PRKD1: variants seen among roughly 807,000 people sequenced by gnomAD.
PRKD1 encodes the protein serine/threonine-protein kinase D1.
In PRKD1, 63 loss-of-function variants were observed where a neutral mutation model predicts 95.9. The observed-to-expected ratio is 0.66, with a 90% CI of 0.54 to 0.81. PRKD1 has a LOEUF of 0.81. Among genes scored for constraint, PRKD1 ranks in the 30% least tolerant of loss-of-function variants. The pLI is 0.00. For missense variants in PRKD1, 1,048 were observed against 1,165.3 expected (o/e 0.90, Z 1.47); for synonymous variants, 425 against 423.1 (o/e 1.00, Z -0.05).
intron 16 of PRKD1, among the ~76,000 whole-genome samples, chr14:29,583,974 G>A (rs1892832016): frequency 6.6e-6 from 1 of 152,118 alleles, no homozygotes; most frequent in African/African-American, 2.4e-5. Context: ...AAAGCAAAGA[G>A]AAAATTTTAT....
chr14:29,761,922 T>C lies in PRKD1; in HGVS notation c.265-36248A>G, dbSNP rs377169327. On this transcript the variant is annotated intron_variant, in intron 1 of 17. Transcript: ENST00000331968. The stretch of plus-strand genomic sequence containing the variant: ...CTCAGCTCCCAAGTAGCTGGTATTA[T>C]GCCACCAAGACTGGCTATTCTTTAT... Among the ~76,000 whole-genome samples the C allele has an allele frequency of 2.0e-4, 30 of 152,002 alleles. 2 individuals are homozygous for C. The East Asian group carries it at 4.9e-3, about 25-fold the overall frequency.
At chr14:29,815,322 C>T (rs28670837) in intron 1 of PRKD1, among the ~76,000 whole-genome samples, 32,905 of 152,112 alleles carry the variant, frequency 0.22, 3,875 homozygotes, top group African/African-American at 0.29. Context: ...ATGAATACTG[C>T]AGAGTCTCAT....
At position 29,770,697 on chromosome 14, in the gene PRKD1, T is replaced by A. The variant is rs147525928; in HGVS notation, c.265-45023A>T. Among the ~76,000 whole-genome samples the A allele has an allele frequency of 2.0e-5, 3 of 152,266 alleles. No homozygotes were observed. The East Asian group carries it at 5.8e-4, about 29-fold the overall frequency. On this transcript the variant is annotated intron_variant, in intron 1 of 17. Transcript: ENST00000331968. ...AGATATCTAAGGAGGTCAGGCATTG[T>A]GACTCACACCTGTAATCCCAGCACT...
intron 2 of PRKD1, 105 bp downstream of exon 2, chr14:29,725,431 G>C: frequency 7.4e-7 from 1 of 1,353,138 alleles, no homozygotes; most frequent in Non-Finnish European, 1.0e-6. Flanking sequence ...TCTTGGAGCT[G>C]AGTTTGAGAT....
intron 1 of PRKD1, among the ~76,000 whole-genome samples, chr14:29,876,088 G>A (rs1893277405): frequency 1.3e-5 from 2 of 152,136 alleles, no homozygotes; most frequent in Admixed American, 1.3e-4. Flanking sequence ...CTTTTATAAT[G>A]GGCAGTGAGT....
chr14:29,682,808 G>C (rs931082615), intron 2 of PRKD1, among the ~76,000 whole-genome samples: 3 of 152,198 alleles, frequency 2.0e-5, no homozygotes, highest in Non-Finnish European at 2.9e-5. Context: ...TAAATGTGGT[G>C]CTTAAAATGC....
chr14:29,840,096 T>C (rs1176005854), intron 1 of PRKD1, among the ~76,000 whole-genome samples: 1 of 152,160 alleles, frequency 6.6e-6, no homozygotes, highest in Non-Finnish European at 1.5e-5. Context: ...TATCACATTG[T>C]CAGGCGGCAA....
rs1893346356 is a variant in PRKD1 at position 29,597,396 on chromosome 14, G to T, written c.2434+95C>A. 3 of 1,260,738 alleles carry T rather than the reference G, an allele frequency of 2.4e-6. No homozygotes were observed. In the Admixed American group the frequency reaches 8.7e-5, roughly 36 times the overall value. The allele number at this position is 1,260,738 out of a possible 1,614,324, so 78.1% of individuals were successfully genotyped here. On this transcript the variant is annotated intron_variant, in intron 16 of 17. Coordinates refer to ENST00000331968, the MANE Select transcript of PRKD1 (RefSeq NM_002742.3). ...CTGGTGGGCACTTTACAATGAGCAT[G>T]TATTAAGTTAATAATTTACAATTAA... is the stretch of plus-strand genomic sequence containing the variant.
Position 29,589,716 on chromosome 14 carries a change from TTATC to T in PRKD1, c.2434+7771_2434+7774del, listed in dbSNP as rs1356226053. 6.6e-5 allele frequency among the ~76,000 whole-genome samples: 10 copies of T among 152,246 alleles called. No homozygotes were observed. The East Asian group carries it at 1.9e-3, about 29-fold the overall frequency. ...AAAGGTTGTACTCTATTTACTCCATTTATCTTTCATGCCATGCCCTTTTATTTTT... is the reference window on the plus strand; with the variant it reads ...AAAGGTTGTACTCTATTTACTCCATTTTTCATGCCATGCCCTTTTATTTTT... On this transcript the variant is annotated intron_variant, in intron 16 of 17. Transcript: ENST00000331968.
intron 1 of PRKD1, among the ~76,000 whole-genome samples, chr14:29,754,308 G>T (rs1887604621): frequency 1.3e-5 from 2 of 152,118 alleles, no homozygotes; most frequent in South Asian, 4.1e-4. Flanking sequence ...TGTCCACGCT[G>T]TCCTTTGATG....
intron 1 of PRKD1, among the ~76,000 whole-genome samples, chr14:29,912,082 C>G (rs182408541): frequency 6.6e-6 from 1 of 152,308 alleles, no homozygotes; most frequent in Admixed American, 6.5e-5. Context: ...TTCATATTCA[C>G]CTGTCTGACC....
chr14:29,740,561 A>T (rs968043516), intron 1 of PRKD1, among the ~76,000 whole-genome samples: 1 of 152,200 alleles, frequency 6.6e-6, no homozygotes, highest in Admixed American at 6.5e-5. Flanking sequence ...GAAAGACAGA[A>T]AGAATGGCCA....
At chr14:29,881,138 T>A (rs1018520534) in intron 1 of PRKD1, among the ~76,000 whole-genome samples, 1 of 152,182 alleles carries the variant, frequency 6.6e-6, no homozygotes, top group Non-Finnish European at 1.5e-5. Flanking sequence ...ATGATTTGGC[T>A]GTTTCCCCAC....
Position 29,927,646 on chromosome 14 carries a change from G to T in PRKD1, c.-134C>A. ...CGGAAAATAAAAACTTTCCGGAAAA[G>T]TCCCTGGGCTGGGGGAGGGCAAGGG... On this transcript the variant is annotated 5_prime_UTR_variant, in exon 1 of 18. Coordinates refer to ENST00000331968, the MANE Select transcript of PRKD1 (RefSeq NM_002742.3). The T allele has an allele frequency of 1.5e-6, 1 of 659,450 alleles. No individual in the cohort carries two copies. Among genetic ancestry groups the T allele is most frequent in the Non-Finnish European group, 1.9e-6 (1 of 516,180 alleles). 40.8% of individuals were successfully genotyped at this position (659,450 alleles called of 1,614,324 possible).
intron 1 of PRKD1, among the ~76,000 whole-genome samples, chr14:29,806,089 A>G (rs556298657): frequency 6.6e-6 from 1 of 152,328 alleles, no homozygotes; most frequent in Non-Finnish European, 1.5e-5. Context: ...AGGAGAGGAA[A>G]GCAAGGCAAG....
At chr14:29,914,705 G>A (rs1594624273) in intron 1 of PRKD1, among the ~76,000 whole-genome samples, 1 of 152,130 alleles carries the variant, frequency 6.6e-6, no homozygotes, top group Admixed American at 6.5e-5. Context: ...ACTCCAGTCT[G>A]GGGGACAGAG....
chr14:29,768,922 T>G (rs1007453521), intron 1 of PRKD1, among the ~76,000 whole-genome samples: 3 of 152,170 alleles, frequency 2.0e-5, no homozygotes, highest in Non-Finnish European at 2.9e-5. Context: ...TGATGTGCGT[T>G]ATCCAGCATC....
At chr14:29,693,652 A>AAC (rs200549222) in intron 2 of PRKD1, among the ~76,000 whole-genome samples, 249 of 49,258 alleles carry the variant, frequency 5.1e-3, no homozygotes, top group African/African-American at 0.025. Context: ...CAACAACAAC[A>AAC]AAAAAAAAAA....
chr14:29,628,653 C>G (rs1879784967), intron 11 of PRKD1, among the ~76,000 whole-genome samples: 1 of 152,062 alleles, frequency 6.6e-6, no homozygotes, highest in Non-Finnish European at 1.5e-5. Context: ...TAGGTAGCAA[C>G]TAAGGAATGA....
Sources: gnomAD v4.1 joint callset for allele counts (sites outside exome capture counted in the v4.1 genomes callset) on GRCh38, gnomAD v4.1.1 for gene constraint, MANE v1.5 for transcripts, NCBI Gene and HGNC (gene_info 2026-07-23, HGNC 2026-07-21) for gene names.